ETNPPL: variants seen among roughly 807,000 people sequenced by gnomAD.
The protein encoded by ETNPPL is alanine--glyoxylate aminotransferase 2-like 1.
In ETNPPL, 30 loss-of-function variants were observed where a neutral mutation model predicts 55.5. The ratio of observed to expected loss-of-function variants is 0.54; its 90% CI spans 0.40 to 0.73. The LOEUF is 0.73. ETNPPL is among the 30% of genes least tolerant of loss of function. The pLI is 0.00. For synonymous variants in ETNPPL, 202 were observed against 207.2 expected (o/e 0.98, Z 0.21); for missense variants, 528 against 607.9 (o/e 0.87, Z 1.38).
At chr4:108,756,699 G>A (rs1049983282) in intron 3 of ETNPPL, among the ~76,000 whole-genome samples, 53 of 151,990 alleles carry the variant, frequency 3.5e-4, no homozygotes, top group African/African-American at 1.2e-3. Context: ...AGCAGCGTGC[G>A]CCTATAGTCT....
At position 108,742,278 on chromosome 4, in the gene ETNPPL, A is replaced by G; in HGVS notation, c.*206T>C. 2.5e-6 allele frequency: 1 copy of G among 406,234 alleles called. No individual in the cohort carries two copies. The highest frequency in any genetic ancestry group is 2.0e-5 in the African/African-American group (1 of 50,742). The allele number at this position is 406,234 out of a possible 1,614,324, so 25.2% of individuals were successfully genotyped here. ...GGTAGCTTCAGAAATCAACTAAGAA[A>G]ATTAACAGGCTAGAGTCTGAACTAA... On this transcript the variant is annotated 3_prime_UTR_variant, in exon 13 of 13. Coordinates refer to ENST00000296486, the MANE Select transcript of ETNPPL (RefSeq NM_031279.4).
At chr4:108,743,669 T>A (rs1024364538) in intron 12 of ETNPPL, 120 bp downstream of exon 12, 2 of 734,792 alleles carry the variant, frequency 2.7e-6, no homozygotes, top group Non-Finnish European at 4.8e-6. Flanking sequence ...TAAGTGAACC[T>A]AATACAGGCT....
At chr4:108,746,030 T>C (rs1728474851) in intron 11 of ETNPPL, among the ~76,000 whole-genome samples, 1 of 152,180 alleles carries the variant, frequency 6.6e-6, no homozygotes, top group Non-Finnish European at 1.5e-5. Flanking sequence ...TAGAAATGTT[T>C]CATGTATTAA....
At chr4:108,747,455 G>C (rs1728663003) in intron 9 of ETNPPL, among the ~76,000 whole-genome samples, 1 of 149,934 alleles carries the variant, frequency 6.7e-6, no homozygotes, top group Non-Finnish European at 1.5e-5. Context: ...TTTTTTTATT[G>C]TTGTTGGTTT....
rs757970665 is a variant in ETNPPL, at chr4:108,759,816, C to G, written c.268G>C (p.Glu90Gln). Residue 90 changes from glutamate (E) to glutamine (Q), a missense_variant, in exon 3 of 13, where the codon GAG (glutamate) becomes CAG (glutamine). Physicochemically the swap from Glu to Gln is conservative, Grantham distance 29. Coordinates refer to ENST00000296486, the MANE Select transcript of ETNPPL (RefSeq NM_031279.4). ...GTTGCTGAAAGGCGTTTGGCATACT[C>G]AACAATGTTGTCGTGGAGGAATCGA... ...NSRFLHDNIV[E>Q]YAKRLSATLP... 2 of 1,614,088 alleles carry G rather than the reference C, an allele frequency of 1.2e-6. No homozygotes were observed. The highest frequency in any genetic ancestry group is 3.3e-5 in the Admixed American group (2 of 60,008).
At chr4:108,756,266 A>G in intron 4 of ETNPPL, 152 bp downstream of exon 4, 1 of 542,830 alleles carries the variant, frequency 1.8e-6, no homozygotes, top group Non-Finnish European at 3.3e-6. Context: ...GCTGGCCTTG[A>G]TAGCTTAATA....
intron 5 of ETNPPL, among the ~76,000 whole-genome samples, chr4:108,754,193 G>A (rs1440812798): frequency 8.6e-5 from 13 of 151,800 alleles, no homozygotes; most frequent in Admixed American, 8.5e-4. Flanking sequence ...GTCCAGGCTG[G>A]TCTTGAATTC....
intron 2 of ETNPPL, 129 bp from the exon 3 acceptor site, chr4:108,760,037 T>G: frequency 8.5e-7 from 1 of 1,171,730 alleles, no homozygotes; most frequent in Non-Finnish European, 1.2e-6. Context: ...TTCTCTTCCA[T>G]ATTTTGCTGC....
intron 1 of ETNPPL, 50 bp from the exon 2 acceptor site, chr4:108,760,356 A>G: frequency 1.9e-6 from 2 of 1,038,900 alleles, no homozygotes; most frequent in Non-Finnish European, 2.9e-6. Context: ...TACTCTCAGT[A>G]TTTTTCCTTC....
chr4:108,757,198 T>C (rs1338925861), intron 3 of ETNPPL, among the ~76,000 whole-genome samples: 3 of 152,216 alleles, frequency 2.0e-5, no homozygotes, highest in African/African-American at 7.2e-5. Context: ...CTTCCTTCTC[T>C]ATAAAATGAG....
chr4:108,754,860 A>C, intron 4 of ETNPPL, 150 bp from the exon 5 acceptor site: 1 of 604,304 alleles, frequency 1.7e-6, no homozygotes. Context: ...ATGGGATCTA[A>C]TTTTTCATGG....
chr4:108,762,610 C>T (rs558092498), intron 1 of ETNPPL: 2 of 635,238 alleles, frequency 3.1e-6, no homozygotes, highest in African/African-American at 1.8e-5. Flanking sequence ...GGCTGCAGAG[C>T]GAGCCGGGGA....
At chr4:108,758,604 A>G (rs1247014158) in intron 3 of ETNPPL, among the ~76,000 whole-genome samples, 1 of 152,054 alleles carries the variant, frequency 6.6e-6, no homozygotes. Flanking sequence ...ACAAAACAAA[A>G]CAAAAAACTA....
At chr4:108,751,121 A>C (rs996636571) in intron 6 of ETNPPL, 103 bp from the exon 7 acceptor site, 9 of 699,182 alleles carry the variant, frequency 1.3e-5, no homozygotes, top group Non-Finnish European at 2.2e-5. Flanking sequence ...GGCTAGGAAT[A>C]GACCTGTAGC....
Position 108,747,866 on chromosome 4 carries a change from C to G in ETNPPL, c.1082+139G>C, listed in dbSNP as rs1299202474. The G allele has an allele frequency of 2.0e-5, 13 of 644,152 alleles. No homozygotes were observed. The African/African-American group carries it at 2.3e-4, about 11-fold the overall frequency. 39.9% of individuals were successfully genotyped at this position (644,152 alleles called of 1,614,324 possible). A position where few individuals can be genotyped will look rare whatever the true frequency, so the allele number is the denominator to read the frequency against. On this transcript the variant is annotated intron_variant, in intron 9 of 12. Transcript: ENST00000296486. ...GCCTCAGCCTCCCGAGTAGCTGGGACTATTTGTGTGTGCCACCACACCTGG... is the reference window on the plus strand; with the variant it reads ...GCCTCAGCCTCCCGAGTAGCTGGGAGTATTTGTGTGTGCCACCACACCTGG...
In ETNPPL at chr4:108,746,526, C is replaced by T. The variant is rs1321952752; in HGVS notation, c.1176G>A (p.Met392Ile). 1 of 1,611,856 alleles carries T rather than the reference C, an allele frequency of 6.2e-7. No individual in the cohort carries two copies. Among genetic ancestry groups the T allele is most frequent in the Non-Finnish European group, 8.5e-7 (1 of 1,179,722 alleles). The part of the protein sequence containing the change: ...TAEAQHIIYK[M>I]KEKRVLLSAD... ...CACTGAGAAGCACTCGTTTTTCTTT[C>T]ATCCTAATTTGTGTAGGAAATACAT... The change falls in exon 11 of 13, where the codon ATG (methionine) becomes ATA (isoleucine). Residue 392 changes from methionine to isoleucine, a missense_variant. Physicochemically the swap from Met to Ile is conservative, Grantham distance 10 (BLOSUM62 1). Coordinates refer to ENST00000296486, the MANE Select transcript of ETNPPL (RefSeq NM_031279.4).
chr4:108,754,553 T>C (rs1419614876), intron 5 of ETNPPL, 67 bp downstream of exon 5: 2 of 877,058 alleles, frequency 2.3e-6, no homozygotes, highest in Non-Finnish European at 3.8e-6. Flanking sequence ...GATGAAAGCA[T>C]TGGCTGGATT....
intron 8 of ETNPPL, 86 bp downstream of exon 8, chr4:108,749,152 G>T: frequency 9.8e-7 from 1 of 1,023,414 alleles, no homozygotes; most frequent in Non-Finnish European, 1.5e-6. Context: ...GCAATACTGA[G>T]CTTTATTCTT....
In ETNPPL at chr4:108,753,752, G is replaced by GAAAGAAAGAAAGAAAGA. The variant is rs1553934224; in HGVS notation, c.502-758_502-742dup. Among the ~76,000 whole-genome samples the GAAAGAAAGAAAGAAAGA allele has an allele frequency of 1.0e-3, 109 of 108,242 alleles. 1 individual carries two copies. Among genetic ancestry groups the GAAAGAAAGAAAGAAAGA allele is most frequent in the South Asian group, 1.8e-3 (6 of 3,396 alleles). 71.0% of individuals were successfully genotyped at this position (108,242 alleles called of 152,430 possible). A position where few individuals can be genotyped will look rare whatever the true frequency, so the allele number is the denominator to read the frequency against. ...ATGAGACTCCGTCTCAAATAAATAA[G>GAAAGAAAGAAAGAAAGA]AAAGAAAGAAAGAAAGAAAGAAAGA... is the stretch of plus-strand genomic sequence containing the variant. On this transcript the variant is annotated intron_variant, in intron 5 of 12. Coordinates refer to ENST00000296486, the MANE Select transcript of ETNPPL (RefSeq NM_031279.4).
Sources: allele counts gnomAD v4.1 joint callset (sites outside exome capture counted in the v4.1 genomes callset), GRCh38; gene constraint gnomAD v4.1.1; transcripts MANE v1.5; gene names NCBI Gene and HGNC (gene_info 2026-07-23, HGNC 2026-07-21).